Variants in SAMMSON observed in about 807,000 individuals in gnomAD.
SAMMSON encodes the protein long intergenic non-protein coding RNA 1212.
intron 4 of SAMMSON, among the ~76,000 whole-genome samples, chr3:70,200,293 C>T (rs1239631114): frequency 1.3e-5 from 2 of 152,184 alleles, no homozygotes; most frequent in African/African-American, 4.8e-5. Flanking sequence ...TTAAACAACT[C>T]ACTCTCCCCT....
intron 4 of SAMMSON, among the ~76,000 whole-genome samples, chr3:70,245,193 G>A (rs897753486): frequency 2.6e-5 from 4 of 151,898 alleles, no homozygotes; most frequent in Non-Finnish European, 4.4e-5. Flanking sequence ...ATTTCTCTTG[G>A]CGTTAAGTCT....
intron 4 of SAMMSON, among the ~76,000 whole-genome samples, chr3:70,118,136 A>T (rs769839082): frequency 6.6e-6 from 1 of 152,046 alleles, no homozygotes. Context: ...GTTAGCCAGG[A>T]TGGTCTCGAT....
At chr3:70,369,189 G>A (rs1036917661) in intron 9 of SAMMSON, among the ~76,000 whole-genome samples, 10 of 151,452 alleles carry the variant, frequency 6.6e-5, no homozygotes, top group Admixed American at 6.6e-4. Flanking sequence ...TTTTATATAG[G>A]AAAGCAATTG....
intron 9 of SAMMSON, among the ~76,000 whole-genome samples, chr3:70,361,638 A>G (rs1285764899): frequency 6.6e-6 from 1 of 152,192 alleles, no homozygotes; most frequent in East Asian, 1.9e-4. Flanking sequence ...CCTAATGTCT[A>G]CATGTAGGTA....
intron 3 of SAMMSON, among the ~76,000 whole-genome samples, chr3:70,027,239 G>A (rs2067044729): frequency 6.6e-6 from 1 of 152,186 alleles, no homozygotes; most frequent in Non-Finnish European, 1.5e-5. Context: ...GAATGGAAAT[G>A]GGAGAATTGA....
intron 3 of SAMMSON, among the ~76,000 whole-genome samples, chr3:70,036,367 C>A (rs1308090249): frequency 2.0e-5 from 3 of 152,116 alleles, no homozygotes; most frequent in Non-Finnish European, 4.4e-5. Flanking sequence ...GTATTTTCTC[C>A]TGGTGAACAA....
chr3:70,038,379 C>G (rs2067094319), intron 3 of SAMMSON, among the ~76,000 whole-genome samples: 1 of 152,100 alleles, frequency 6.6e-6, no homozygotes, highest in Admixed American at 6.6e-5. Flanking sequence ...CACATGCCCC[C>G]TCCCTTTCCA....
chr3:70,081,989 G>A (rs1406036013), intron 4 of SAMMSON, among the ~76,000 whole-genome samples: 1 of 152,184 alleles, frequency 6.6e-6, no homozygotes, highest in Non-Finnish European at 1.5e-5. Flanking sequence ...ACACAAAGAG[G>A]GATGGGTTCA....
chr3:70,135,568 T>C (rs1007669323), intron 4 of SAMMSON, among the ~76,000 whole-genome samples: 7 of 152,196 alleles, frequency 4.6e-5, no homozygotes, highest in African/African-American at 1.4e-4. Context: ...ATTAAAGTGA[T>C]TGATGCATAT....
chr3:70,025,299 C>T (rs939583505), intron 3 of SAMMSON: 1 of 152,048 alleles, frequency 6.6e-6, no homozygotes, highest in Admixed American at 6.6e-5. Flanking sequence ...GGCTGGAGTG[C>T]AGAGGCACAA....
intron 4 of SAMMSON, among the ~76,000 whole-genome samples, chr3:70,188,422 C>T (rs1196028105): frequency 1.3e-5 from 2 of 152,076 alleles, no homozygotes; most frequent in Non-Finnish European, 2.9e-5. Flanking sequence ...TTACCTACTA[C>T]AGGAGGTATT....
chr3:70,112,094 C>T (rs534233040), intron 4 of SAMMSON, among the ~76,000 whole-genome samples: 1 of 152,218 alleles, frequency 6.6e-6, no homozygotes, highest in South Asian at 2.1e-4. Flanking sequence ...ATTACATTGA[C>T]TCCGAAGCAG....
intron 4 of SAMMSON, chr3:70,197,278 C>A (rs1701191571): frequency 2.5e-6 from 1 of 397,492 alleles, no homozygotes; most frequent in African/African-American, 2.1e-5. Context: ...AACTTGATAG[C>A]CAACTCTTAA....
chr3:70,086,727 C>G (rs145830960), intron 4 of SAMMSON, among the ~76,000 whole-genome samples: 1,753 of 152,276 alleles, frequency 0.012, 17 homozygotes, highest in Non-Finnish European at 0.017. Context: ...TTCAAATGTC[C>G]TTGCTGGAGA....
At chr3:70,191,981 A>G (rs1701134157) in intron 4 of SAMMSON, among the ~76,000 whole-genome samples, 1 of 142,418 alleles carries the variant, frequency 7.0e-6, no homozygotes, top group Admixed American at 7.0e-5. Context: ...TTTCTATATG[A>G]TATTTTTTCT....
intron 4 of SAMMSON, among the ~76,000 whole-genome samples, chr3:70,187,370 CAT>C (rs980430573): frequency 6.8e-6 from 1 of 148,076 alleles, no homozygotes; most frequent in Non-Finnish European, 1.5e-5. Context: ...GCTGAAGTCT[CAT>C]AGACATTTTT....
intron 7 of SAMMSON, chr3:70,311,891 T>G (rs1702457043): frequency 2.5e-6 from 1 of 397,694 alleles, no homozygotes; most frequent in Non-Finnish European, 4.4e-6. Flanking sequence ...CTTACCTTCT[T>G]TCAACCAAGA....
At chr3:70,083,605 AG>A (rs1239912671) in intron 4 of SAMMSON, among the ~76,000 whole-genome samples, 3 of 152,154 alleles carry the variant, frequency 2.0e-5, no homozygotes, top group African/African-American at 7.2e-5. Context: ...GAGGGCATCA[AG>A]GGGGAGGTCT....
chr3:70,077,950 T>C (rs2067254844), intron 4 of SAMMSON, among the ~76,000 whole-genome samples: 1 of 152,218 alleles, frequency 6.6e-6, no homozygotes, highest in South Asian at 2.1e-4. Flanking sequence ...CATTCCTTCT[T>C]CTTCTACTGG....
Sources: gnomAD v4.1 joint callset for allele counts (sites outside exome capture counted in the v4.1 genomes callset) on GRCh38, gnomAD v4.1.1 for gene constraint, MANE v1.5 for transcripts, NCBI Gene and HGNC (gene_info 2026-07-23, HGNC 2026-07-21) for gene names.